Variants in CFDP1 observed in about 807,000 individuals in gnomAD.
CFDP1 encodes the protein chromatin remodeling protein CFDP1.
A neutral mutation model predicts 40.1 loss-of-function variants in CFDP1; 31 were observed. The observed-to-expected ratio is 0.77, with a 90% CI of 0.58 to 1.04. CFDP1 has a LOEUF of 1.04. Ranked by LOEUF, CFDP1 falls within the 50% of genes least tolerant of loss-of-function variation. The pLI is 0.00. For missense variants in CFDP1, 423 were observed against 343.4 expected (o/e 1.23, Z -1.83); for synonymous variants, 167 against 120.0 (o/e 1.39, Z -2.56).
intron 6 of CFDP1, among the ~76,000 whole-genome samples, chr16:75,299,535 C>T (rs1240770835): frequency 2.0e-5 from 3 of 151,378 alleles, no homozygotes; most frequent in East Asian, 3.9e-4. Flanking sequence ...GCGGAGTTTG[C>T]AGTGAGCTGA....
At position 75,344,642 on chromosome 16, in the gene CFDP1, A is replaced by G. The variant is rs374376086; in HGVS notation, c.651-39460T>C. ...AGCCCAGAAGTAACATCATTTAGAA[A>G]GAACATCCTGGCTGGGCACAGTGGC... On this transcript the variant is annotated intron_variant, in intron 5 of 6. Coordinates refer to ENST00000283882, the MANE Select transcript of CFDP1 (RefSeq NM_006324.3). 7.0e-4 allele frequency among the ~76,000 whole-genome samples: 106 copies of G among 152,318 alleles called. 2 individuals are homozygous for G. In the East Asian group the frequency reaches 0.019, roughly 27 times the overall value.
At chr16:75,377,751 C>T (rs1020929602) in intron 5 of CFDP1, among the ~76,000 whole-genome samples, 4 of 152,174 alleles carry the variant, frequency 2.6e-5, no homozygotes, top group Non-Finnish European at 4.4e-5. Context: ...TCACTCAGTT[C>T]TATTGTGTTC....
Position 75,361,548 on chromosome 16 carries a change from C to T in CFDP1, c.650+33542G>A, listed in dbSNP as rs1036853096. On this transcript the variant is annotated intron_variant, in intron 5 of 6. Transcript: ENST00000283882. ...ATGAGAATCGCTTGAACCTGGGAGG[C>T]GGAGGTTGCTGTGAGCTGAGATCAT... Among the ~76,000 whole-genome samples, 9 of 152,058 alleles carry T rather than the reference C, an allele frequency of 5.9e-5. No homozygotes were observed. In the East Asian group the frequency reaches 1.2e-3, roughly 20 times the overall value.
intron 1 of CFDP1, among the ~76,000 whole-genome samples, chr16:75,418,306 CTTTTT>C (rs60458195): frequency 8.4e-5 from 9 of 107,124 alleles, no homozygotes; most frequent in Admixed American, 1.2e-4. Flanking sequence ...AACTCTAACC[CTTTTT>C]TTTTTTTTTT....
At chr16:75,365,318 T>C (rs927460286) in intron 5 of CFDP1, among the ~76,000 whole-genome samples, 11 of 152,208 alleles carry the variant, frequency 7.2e-5, no homozygotes, top group African/African-American at 2.7e-4. Flanking sequence ...AACTATATAC[T>C]CTGGCCAATA....
chr16:75,430,420 C>T (rs2079397947), intron 1 of CFDP1, among the ~76,000 whole-genome samples: 1 of 151,930 alleles, frequency 6.6e-6, no homozygotes, highest in Non-Finnish European at 1.5e-5. Flanking sequence ...ATCCGCCCAC[C>T]ACAGCCTCCC....
At chr16:75,333,742 G>A (rs541311930) in intron 5 of CFDP1, among the ~76,000 whole-genome samples, 1 of 152,190 alleles carries the variant, frequency 6.6e-6, no homozygotes, top group African/African-American at 2.4e-5. Context: ...GTCCTGAAAT[G>A]CCACAGACTG....
intron 5 of CFDP1, among the ~76,000 whole-genome samples, chr16:75,308,983 G>T (rs1335534840): frequency 6.6e-6 from 1 of 152,174 alleles, no homozygotes; most frequent in Non-Finnish European, 1.5e-5. Context: ...CTTTCACTGG[G>T]TCATTAACAA....
chr16:75,331,298 G>A (rs1470201539), intron 5 of CFDP1, among the ~76,000 whole-genome samples: 2 of 152,060 alleles, frequency 1.3e-5, no homozygotes, highest in Non-Finnish European at 2.9e-5. Context: ...TTTTATTTTT[G>A]TAGAGACAGA....
chr16:75,430,143 G>C (rs1247799743), intron 1 of CFDP1, among the ~76,000 whole-genome samples: 2 of 149,816 alleles, frequency 1.3e-5, no homozygotes, highest in African/African-American at 5.0e-5. Flanking sequence ...TTAAGATAGA[G>C]GTTGTGGAGA....
chr16:75,313,178 T>C (rs1348634463), intron 5 of CFDP1, among the ~76,000 whole-genome samples: 1 of 152,268 alleles, frequency 6.6e-6, no homozygotes, highest in East Asian at 1.9e-4. Flanking sequence ...AGAGAAGCTC[T>C]ACGTTTGATA....
intron 1 of CFDP1, 29 bp downstream of exon 1, chr16:75,433,260 C>T: frequency 1.3e-6 from 2 of 1,576,630 alleles, no homozygotes; most frequent in Middle Eastern, 2.1e-4. Flanking sequence ...CGGGGCAATT[C>T]GCTTCTCGCC....
rs371756414 is a variant in CFDP1, at chr16:75,360,120, G to A, written c.650+34970C>T. Among the ~76,000 whole-genome samples the A allele has an allele frequency of 1.9e-4, 29 of 152,200 alleles. No homozygotes were observed. The East Asian group carries it at 4.3e-3, about 22-fold the overall frequency. On this transcript the variant is annotated intron_variant, in intron 5 of 6. Coordinates refer to ENST00000283882, the MANE Select transcript of CFDP1 (RefSeq NM_006324.3). ...GTTGGGCAGCCTGTCTTGAACTTCT[G>A]GCCTCAAGCAATCCTCCCATCCTGG...
Position 75,293,844 on chromosome 16 carries a change from G to T in CFDP1, c.*108C>A. The T allele has an allele frequency of 6.1e-6, 5 of 815,972 alleles. No individual in the cohort carries two copies. Among genetic ancestry groups the T allele is most frequent in the South Asian group, 1.8e-5 (1 of 56,084 alleles). 50.5% of individuals were successfully genotyped at this position (815,972 alleles called of 1,614,324 possible). A position where few individuals can be genotyped will look rare whatever the true frequency, so the allele number is the denominator to read the frequency against. On this transcript the variant is annotated 3_prime_UTR_variant, in exon 7 of 7. Coordinates refer to ENST00000283882, the MANE Select transcript of CFDP1 (RefSeq NM_006324.3). ...AGAACTTCAATGTAGAAAAAAAAAA[G>T]ACCTTGCTGGGAAACAGATGATGAG...
rs778426797 is a variant in CFDP1, at chr16:75,433,294, G to A, written c.59C>T (p.Pro20Leu). The A allele has an allele frequency of 1.9e-6, 3 of 1,599,478 alleles. No individual in the cohort carries two copies. The highest frequency in any genetic ancestry group is 1.7e-5 in the Admixed American group (1 of 59,042). The part of the protein sequence containing the change: ...STSEEDEDYV[P>L]SGGEYSEDDV... The stretch of plus-strand genomic sequence containing the variant: ...CCTCAGGCGGAATCGCTCACCCGAC[G>A]GCACGTAGTCCTCGTCCTCCTCCGA... The change falls in exon 1 of 7, where the codon CCG (proline) becomes CTG (leucine). Residue 20 changes from proline to leucine, a missense_variant. Transcript: ENST00000283882.
chr16:75,351,895 C>A (rs1204949569), intron 5 of CFDP1, among the ~76,000 whole-genome samples: 1 of 150,394 alleles, frequency 6.6e-6, no homozygotes, highest in Non-Finnish European at 1.5e-5. Context: ...ATAATCCCAG[C>A]TACTCAGGAA....
At chr16:75,426,963 G>A (rs932212379) in intron 1 of CFDP1, among the ~76,000 whole-genome samples, 49 of 151,826 alleles carry the variant, frequency 3.2e-4, no homozygotes, top group African/African-American at 1.2e-3. Context: ...GCTGAGGCAG[G>A]AGAATCGCTT....
intron 5 of CFDP1, among the ~76,000 whole-genome samples, chr16:75,365,052 A>G (rs2078704508): frequency 6.6e-6 from 1 of 152,244 alleles, no homozygotes; most frequent in African/African-American, 2.4e-5. Flanking sequence ...TATCAACACG[A>G]CACGAATTTC....
chr16:75,365,703 C>T (rs1312886684), intron 5 of CFDP1, among the ~76,000 whole-genome samples: 1 of 152,010 alleles, frequency 6.6e-6, no homozygotes, highest in African/African-American at 2.4e-5. Context: ...ACAGTGAAAC[C>T]CTGTCTCAAA....
Sources: allele counts gnomAD v4.1 joint callset (sites outside exome capture counted in the v4.1 genomes callset), GRCh38; gene constraint gnomAD v4.1.1; transcripts MANE v1.5; gene names NCBI Gene and HGNC (gene_info 2026-07-23, HGNC 2026-07-21).